The following MAN2B2 variants were observed in gnomAD, a reference collection of about 807,000 sequenced individuals.
MAN2B2 encodes epididymis-specific alpha-mannosidase.
MAN2B2 carries 106 observed loss-of-function variants against 117.1 expected under a neutral mutation model. That is an observed-to-expected ratio of 0.90 (90% CI 0.77 to 1.06). The LOEUF is 1.06. Among genes scored for constraint, MAN2B2 ranks in the 50% least tolerant of loss-of-function variants. The pLI is 0.00. For synonymous variants in MAN2B2, 544 were observed against 595.1 expected, an observed-to-expected ratio of 0.91 and a Z score of 1.25; for missense variants, 1,326 against 1,381.4, an observed-to-expected ratio of 0.96 and a Z score of 0.64.
At chr4:6,602,239 C>A (rs1364248383) in intron 10 of MAN2B2, among the ~76,000 whole-genome samples, 1 of 152,242 alleles carries the variant, frequency 6.6e-6, no homozygotes, top group Non-Finnish European at 1.5e-5. Context: ...TCTGTCGCAG[C>A]CTGCTTGGGC....
chr4:6,596,177 G>A (rs1014649192), intron 7 of MAN2B2, among the ~76,000 whole-genome samples: 1 of 144,890 alleles, frequency 6.9e-6, no homozygotes, highest in Non-Finnish European at 1.5e-5. Context: ...GGCGGGTGTG[G>A]GTGGGCGTGG....
intron 5 of MAN2B2, among the ~76,000 whole-genome samples, chr4:6,591,508 T>C (rs1726859232): frequency 6.6e-6 from 1 of 152,196 alleles, no homozygotes; most frequent in South Asian, 2.1e-4. Flanking sequence ...GTGGCTCATT[T>C]GAATAATTTC....
chr4:6,576,565 G>C lies in MAN2B2; in HGVS notation c.139-13G>C. On this transcript the variant is annotated splice_polypyrimidine_tract_variant and intron_variant, in intron 1 of 18. Transcript: ENST00000285599. Reference sequence around the variant, plus strand: ...GTTGGACCGGGGCTGGCATGATGCTGTCCCCTCCCCAGGAAAGCATGCGGG... The same window carrying C: ...GTTGGACCGGGGCTGGCATGATGCTCTCCCCTCCCCAGGAAAGCATGCGGG... 6.2e-7 allele frequency: 1 copy of C among 1,609,726 alleles called. No individual in the cohort carries two copies. Among genetic ancestry groups the C allele is most frequent in the Non-Finnish European group, 8.5e-7 (1 of 1,177,262 alleles).
rs1212202011 is a variant in MAN2B2 at position 6,610,952 on chromosome 4, G to A, written c.2332G>A (p.Ala778Thr). The A allele has an allele frequency of 3.7e-6, 6 of 1,614,074 alleles. No homozygotes were observed. The highest frequency in any genetic ancestry group is 5.1e-6 in the Non-Finnish European group (6 of 1,180,024). Residue 778 changes from alanine (A) to threonine (T), a missense_variant, in exon 14 of 19, where the codon GCA (alanine) becomes ACA (threonine). Ala to Thr is a moderately conservative substitution (Grantham distance 58, BLOSUM62 0). Coordinates refer to ENST00000285599, the MANE Select transcript of MAN2B2 (RefSeq NM_015274.3). ...CAGGCTTGTGTTGCTGTCGGAGCGG[G>A]CACATGGCATCTCCAGCCAAGGGAA... ...KSRLVLLSER[A>T]HGISSQGNGQ...
At chr4:6,584,715 C>T (rs34166126) in intron 3 of MAN2B2, among the ~76,000 whole-genome samples, 31,958 of 152,186 alleles carry the variant, frequency 0.21, 4,119 homozygotes, top group Middle Eastern at 0.32. Context: ...GGCCTGGAGC[C>T]GGCTCAGCCT....
At chr4:6,585,284 C>A (rs1726588142) in intron 3 of MAN2B2, among the ~76,000 whole-genome samples, 1 of 152,110 alleles carries the variant, frequency 6.6e-6, no homozygotes, top group Admixed American at 6.5e-5. Context: ...AGCCAGGGTC[C>A]CCAGGACTGC....
rs146529962 is a variant in MAN2B2 at position 6,597,790 on chromosome 4, C to T, written c.1249-408C>T. Among the ~76,000 whole-genome samples, 96 of 152,332 alleles carry T rather than the reference C, an allele frequency of 6.3e-4. No homozygotes were observed. The East Asian group carries it at 8.7e-3, about 14-fold the overall frequency. ...CATGAGTTTCCGTCTCCACCCATCC[C>T]CTACTGTACTGATGGGAAAACAGAC... On this transcript the variant is annotated intron_variant, in intron 8 of 18. Transcript: ENST00000285599.
At chr4:6,600,593 G>T in intron 9 of MAN2B2, 30 bp from the exon 10 acceptor site, 1 of 1,609,184 alleles carries the variant, frequency 6.2e-7, no homozygotes. Flanking sequence ...GAGTCACATG[G>T]CACAAGCAAA....
intron 3 of MAN2B2, among the ~76,000 whole-genome samples, chr4:6,579,938 G>C (rs1445377375): frequency 6.6e-6 from 1 of 152,250 alleles, no homozygotes; most frequent in Non-Finnish European, 1.5e-5. Flanking sequence ...GAGATCCAAA[G>C]AAATGCAGTA....
At chr4:6,578,809 T>C (rs1306433665) in intron 3 of MAN2B2, among the ~76,000 whole-genome samples, 2 of 152,038 alleles carry the variant, frequency 1.3e-5, no homozygotes, top group African/African-American at 4.8e-5. Context: ...TTGATGGTAA[T>C]ACCTACCTCA....
chr4:6,610,901 T>G lies in MAN2B2; in HGVS notation c.2281T>G (p.Ser761Ala). 1.2e-6 allele frequency: 2 copies of G among 1,614,186 alleles called. No individual in the cohort carries two copies. Among genetic ancestry groups the G allele is most frequent in the Non-Finnish European group, 1.7e-6 (2 of 1,180,002 alleles). ...IARNYYPMVQSAFMEDGKSRL... is the reference protein window; with the variant it reads ...IARNYYPMVQAAFMEDGKSRL... ...GCAGAATTACTACCCCATGGTTCAG[T>G]CGGCCTTCATGGAGGATGGCAAAAG... Residue 761 changes from serine to alanine, a missense_variant, in exon 14 of 19, where the codon TCG becomes GCG. Ser to Ala is a moderately conservative substitution (Grantham distance 99, BLOSUM62 1). Transcript: ENST00000285599.
At chr4:6,578,998 T>TC (rs1726180536) in intron 3 of MAN2B2, among the ~76,000 whole-genome samples, 1 of 91,148 alleles carries the variant, frequency 1.1e-5, no homozygotes, top group Non-Finnish European at 2.4e-5. Context: ...TCACTACCAC[T>TC]ACCATCACCA....
At chr4:6,579,177 C>T (rs1344628592) in intron 3 of MAN2B2, among the ~76,000 whole-genome samples, 3 of 84,386 alleles carry the variant, frequency 3.6e-5, no homozygotes, top group East Asian at 6.1e-4. Context: ...ACCACCACCA[C>T]CATCACCATC....
intron 17 of MAN2B2, chr4:6,619,683 C>T: frequency 2.3e-6 from 1 of 428,408 alleles, no homozygotes; most frequent in East Asian, 4.6e-5. Context: ...GCTCCTCCAG[C>T]TCGGCCACCT....
At chr4:6,610,761 C>T (rs1381930398) in intron 13 of MAN2B2, 119 bp from the exon 14 acceptor site, 1 of 819,778 alleles carries the variant, frequency 1.2e-6, no homozygotes, top group Non-Finnish European at 2.1e-6. Context: ...AAGTCAGGGT[C>T]CCAGCCCCAT....
intron 8 of MAN2B2, among the ~76,000 whole-genome samples, chr4:6,597,602 C>T (rs1359542124): frequency 3.3e-5 from 5 of 152,366 alleles, no homozygotes; most frequent in Admixed American, 1.3e-4. Context: ...ATCCATATCT[C>T]GGCTCAGCTG....
intron 12 of MAN2B2, 100 bp from the exon 13 acceptor site, chr4:6,609,698 C>G: frequency 7.5e-7 from 1 of 1,326,562 alleles, no homozygotes; most frequent in Non-Finnish European, 1.1e-6. Context: ...TTCGGCGTAC[C>G]CTGCCCTGCC....
chr4:6,587,833 T>C (rs939567179), intron 4 of MAN2B2, among the ~76,000 whole-genome samples: 47 of 146,760 alleles, frequency 3.2e-4, no homozygotes, highest in Non-Finnish European at 2.1e-4. Flanking sequence ...TGGCCCACTG[T>C]AAACTCTGCC....
intron 9 of MAN2B2, 63 bp from the exon 10 acceptor site, chr4:6,600,560 G>A: frequency 6.3e-7 from 1 of 1,586,510 alleles, no homozygotes; most frequent in Non-Finnish European, 8.6e-7. Flanking sequence ...GGTGCAGCCA[G>A]TGAGCACCCC....
Sources: gnomAD v4.1 joint callset for allele counts (sites outside exome capture counted in the v4.1 genomes callset) on GRCh38, gnomAD v4.1.1 for gene constraint, MANE v1.5 for transcripts, NCBI Gene and HGNC (gene_info 2026-07-23, HGNC 2026-07-21) for gene names.